Variants in DENND2D observed in about 807,000 individuals in gnomAD.
DENND2D encodes DENN domain containing 2D.
In DENND2D, 37 loss-of-function variants were observed where a neutral mutation model predicts 59.8. The observed-to-expected ratio is 0.62, with a 90% CI of 0.48 to 0.81. DENND2D has a LOEUF of 0.81. Among genes scored for constraint, DENND2D ranks in the 40% least tolerant of loss-of-function variants. The probability of loss-of-function intolerance (pLI) is 0.00; values close to 1 mark genes in which losing one functional copy is unlikely to be tolerated. For synonymous variants in DENND2D, 219 were observed against 211.3 expected, an observed-to-expected ratio of 1.04 and a Z score of -0.31; for missense variants, 525 against 579.7, an observed-to-expected ratio of 0.91 and a Z score of 0.97.
At chr1:111,197,659 G>A (rs1366066774) in intron 4 of DENND2D, 3 of 1,381,290 alleles carry the variant, frequency 2.2e-6, no homozygotes, top group Non-Finnish European at 2.8e-6. Flanking sequence ...GGATAGAGCA[G>A]GCAGGGAGAG....
chr1:111,197,004 A>T, intron 5 of DENND2D, 172 bp downstream of exon 5: 1 of 708,858 alleles, frequency 1.4e-6, no homozygotes, highest in Non-Finnish European at 2.3e-6. Context: ...TTCAATTTCC[A>T]CTTTTCCCTT....
upstream of DENND2D, chr1:111,204,319 A>T: frequency 2.0e-6 from 3 of 1,481,902 alleles, no homozygotes; most frequent in Non-Finnish European, 1.8e-6. Context: ...CTTCAGTCTC[A>T]GGCTGGCTCG....
chr1:111,199,107 G>A (rs1182532864), intron 2 of DENND2D, among the ~76,000 whole-genome samples: 1 of 152,238 alleles, frequency 6.6e-6, no homozygotes, highest in Admixed American at 6.5e-5. Flanking sequence ...GAGAAGAGAA[G>A]CGGCCAGCTC....
Position 111,188,966 on chromosome 1 carries a change from G to A in DENND2D, c.1015-180C>T, listed in dbSNP as rs550668437. ...TAGTTTGACTCTAGACATTAGCAAG[G>A]GATCCTCTCCATCCCGGTGGTACTT... On this transcript the variant is annotated intron_variant, in intron 9 of 11. Transcript: ENST00000357640. 3.3e-5 allele frequency among the ~76,000 whole-genome samples: 5 copies of A among 152,218 alleles called. No individual in the cohort carries two copies. The South Asian group carries it at 6.2e-4, about 19-fold the overall frequency.
At chr1:111,188,577 A>G in intron 10 of DENND2D, 125 bp downstream of exon 10, 1 of 1,179,414 alleles carries the variant, frequency 8.5e-7, no homozygotes, top group Non-Finnish European at 1.2e-6. Flanking sequence ...GACTTGCCCT[A>G]GGTTCTAGGC....
In DENND2D at chr1:111,197,230, A is replaced by T; in HGVS notation, c.450T>A (p.Leu150=). The T allele has an allele frequency of 6.2e-7, 1 of 1,613,784 alleles. No homozygotes were observed. Among genetic ancestry groups the T allele is most frequent in the South Asian group, 1.1e-5 (1 of 90,964 alleles). ...RLLPAGPGPR[L]PKVYCIISCI... ...AGCTGATGATGCAGTACACTTTGGG[A>T]AGGCGAGGGCCAGGGCCGGCAGGCT... Residue 150 remains leucine, a synonymous_variant, in exon 5 of 12, where the codon CTT becomes CTA. Coordinates refer to ENST00000357640, the MANE Select transcript of DENND2D (RefSeq NM_024901.5).
intron 8 of DENND2D, among the ~76,000 whole-genome samples, chr1:111,191,374 A>G (rs988126813): frequency 6.6e-6 from 1 of 152,184 alleles, no homozygotes; most frequent in Non-Finnish European, 1.5e-5. Context: ...GAGTGAGTCA[A>G]TGGTTATGGC....
intron 10 of DENND2D, 83 bp downstream of exon 10, chr1:111,188,619 T>G (rs1189011769): frequency 7.4e-7 from 1 of 1,351,068 alleles, no homozygotes; most frequent in African/African-American, 1.4e-5. Flanking sequence ...ACTGAATGAG[T>G]TCATTTTAGT....
chr1:111,188,731 G>A lies in DENND2D; in HGVS notation c.1070C>T (p.Ser357Phe). ...PPKLQDDILDSLGQGINELKT... is the reference protein window; with the variant it reads ...PPKLQDDILDFLGQGINELKT... ...TAACTCATTGATCCCCTGACCAAGA[G>A]AGTCTAAGATGTCATCCTGAAGCTT... The change falls in exon 10 of 12, where the codon TCT (serine) becomes TTT (phenylalanine). Residue 357 changes from serine (S) to phenylalanine (F), a missense_variant. Coordinates refer to ENST00000357640, the MANE Select transcript of DENND2D (RefSeq NM_024901.5). 1 of 1,614,120 alleles carries A rather than the reference G, an allele frequency of 6.2e-7. No homozygotes were observed. Among genetic ancestry groups the A allele is most frequent in the Non-Finnish European group, 8.5e-7 (1 of 1,179,988 alleles).
chr1:111,197,477 TG>T (rs5777042), intron 4 of DENND2D: 156,325 of 1,416,958 alleles, frequency 0.11, 10,781 homozygotes, highest in Admixed American at 0.29. Flanking sequence ...CAGCACAATC[TG>T]GGGTCAGCAA....
chr1:111,192,965 G>A (rs1017007517), intron 7 of DENND2D, among the ~76,000 whole-genome samples: 7 of 152,116 alleles, frequency 4.6e-5, no homozygotes, highest in African/African-American at 1.2e-4. Context: ...ATTCCTACAC[G>A]GAAAGTCCCA....
chr1:111,197,126 G>A, intron 5 of DENND2D, 50 bp downstream of exon 5: 1 of 1,573,246 alleles, frequency 6.4e-7, no homozygotes, highest in Non-Finnish European at 8.6e-7. Flanking sequence ...AGGGTTGGCA[G>A]CCAGAGACAG....
chr1:111,199,444 G>A lies in DENND2D; in HGVS notation c.243+179C>T, dbSNP rs1658579558. 2.0e-5 allele frequency among the ~76,000 whole-genome samples: 3 copies of A among 152,204 alleles called. No homozygotes were observed. In the South Asian group the frequency reaches 6.2e-4, roughly 31 times the overall value. ...AAGAAGTTAGACCTAGATTCTGTGG[G>A]TGATAACAGAGAACTGGGGCTGTGC... is the stretch of plus-strand genomic sequence containing the variant. On this transcript the variant is annotated intron_variant, in intron 2 of 11. Coordinates refer to ENST00000357640, the MANE Select transcript of DENND2D (RefSeq NM_024901.5).
At chr1:111,195,796 TCCC>T in intron 6 of DENND2D, 117 bp downstream of exon 6, 1 of 1,420,178 alleles carries the variant, frequency 7.0e-7, no homozygotes, top group Non-Finnish European at 9.8e-7. Context: ...CAAGTCCCAG[TCCC>T]CATCTGGCTC....
At chr1:111,192,644 ATAAT>A (rs1379676907) in intron 7 of DENND2D, among the ~76,000 whole-genome samples, 1 of 152,128 alleles carries the variant, frequency 6.6e-6, no homozygotes, top group African/African-American at 2.4e-5. Flanking sequence ...ATTCAAGGAG[ATAAT>A]TGATTGAGCC....
chr1:111,189,275 T>A, intron 8 of DENND2D, 22 bp from the exon 9 acceptor site: 1 of 1,614,028 alleles, frequency 6.2e-7, no homozygotes, highest in Admixed American at 1.7e-5. Context: ...ATAGACTGGC[T>A]TTCTCTGGTC....
Position 111,188,247 on chromosome 1 carries a change from G to C in DENND2D, c.1223C>G (p.Ser408Cys). Residue 408 changes from serine to cysteine, a missense_variant, in exon 11 of 12, where the codon TCC (serine) becomes TGC (cysteine). Coordinates refer to ENST00000357640, the MANE Select transcript of DENND2D (RefSeq NM_024901.5). ...ANGQGHFQER[S>C]FCKALTSKTN... ...CTTGGAGGTCAGAGCCTTACAGAAG[G>C]ATCTTTCTTGGAAGTGGCCTTGCCC... The C allele has an allele frequency of 6.2e-7, 1 of 1,614,152 alleles. No homozygotes were observed. Among genetic ancestry groups the C allele is most frequent in the East Asian group, 2.2e-5 (1 of 44,874 alleles).
chr1:111,198,382 A>G (rs1479821594), intron 3 of DENND2D, among the ~76,000 whole-genome samples: 1 of 152,228 alleles, frequency 6.6e-6, no homozygotes, highest in East Asian at 1.9e-4. Context: ...GCAGAGTTAA[A>G]AGCAGCAACT....
intron 4 of DENND2D, 176 bp from the exon 5 acceptor site, chr1:111,197,429 T>C: frequency 7.0e-7 from 1 of 1,438,672 alleles, no homozygotes; most frequent in South Asian, 1.4e-5. Flanking sequence ...TTGAGGGTAC[T>C]GGGTGAGTTG....
Sources: gnomAD v4.1 joint callset for allele counts (sites outside exome capture counted in the v4.1 genomes callset) on GRCh38, gnomAD v4.1.1 for gene constraint, MANE v1.5 for transcripts, NCBI Gene and HGNC (gene_info 2026-07-23, HGNC 2026-07-21) for gene names.